NR3C2: variants seen among roughly 807,000 people sequenced by gnomAD.
NR3C2 encodes mineralocorticoid receptor.
NR3C2 carries 15 observed loss-of-function variants against 86.4 expected under a neutral mutation model. The ratio of observed to expected loss-of-function variants is 0.17; its 90% CI spans 0.12 to 0.27. The LOEUF is 0.27. Among genes scored for constraint, NR3C2 ranks in the 10% least tolerant of loss-of-function variants. The pLI, the probability that NR3C2 is intolerant of heterozygous loss-of-function variation, is 1.00. For synonymous variants in NR3C2, 458 were observed against 450.5 expected (o/e 1.02, Z -0.21); for missense variants, 960 against 1,195.6 (o/e 0.80, Z 2.91).
intron 3 of NR3C2, among the ~76,000 whole-genome samples, chr4:148,229,990 G>A (rs142542578): frequency 0.011 from 1,636 of 152,228 alleles, 79 homozygotes; most frequent in Admixed American, 0.089. Context: ...CTGTTCACAA[G>A]TGACCATAGA....
intron 8 of NR3C2, among the ~76,000 whole-genome samples, chr4:148,089,413 A>G (rs1730963316): frequency 6.6e-6 from 1 of 152,222 alleles, no homozygotes; most frequent in African/African-American, 2.4e-5. Context: ...GAGTTGTTTC[A>G]GAGGAATGAA....
At chr4:148,378,010 G>T (rs891559638) in intron 2 of NR3C2, among the ~76,000 whole-genome samples, 1 of 152,090 alleles carries the variant, frequency 6.6e-6, no homozygotes, top group African/African-American at 2.4e-5. Flanking sequence ...GATATACAGG[G>T]AGATAAGTGT....
At chr4:148,143,540 C>T (rs530627491) in intron 6 of NR3C2, among the ~76,000 whole-genome samples, 2 of 152,334 alleles carry the variant, frequency 1.3e-5, no homozygotes, top group South Asian at 2.1e-4. Context: ...GCTTAATACA[C>T]GGAAATTGCT....
intron 3 of NR3C2, chr4:148,201,167 A>G (rs1736701542): frequency 6.6e-6 from 1 of 152,146 alleles, no homozygotes; most frequent in South Asian, 2.1e-4. Context: ...TGAATCACAG[A>G]TCTGATTATG....
intron 2 of NR3C2, among the ~76,000 whole-genome samples, chr4:148,297,884 C>T (rs62332046): frequency 0.28 from 41,587 of 148,524 alleles, 5,802 homozygotes; most frequent in Middle Eastern, 0.44. Flanking sequence ...AGTGAAACTC[C>T]GTCTCAAAAA....
At chr4:148,421,616 T>G (rs1749284114) in intron 2 of NR3C2, among the ~76,000 whole-genome samples, 1 of 152,212 alleles carries the variant, frequency 6.6e-6, no homozygotes, top group African/African-American at 2.4e-5. Flanking sequence ...ATACTGACAA[T>G]GTACTGACTC....
intron 2 of NR3C2, among the ~76,000 whole-genome samples, chr4:148,394,284 T>C (rs1389140341): frequency 6.6e-6 from 1 of 151,818 alleles, no homozygotes. Flanking sequence ...AATAAATAGA[T>C]GTTGCCTGAA....
chr4:148,165,483 CTTTCTGT>C lies in NR3C2; in HGVS notation c.2015-10589_2015-10583del, dbSNP rs1461382306. Among the ~76,000 whole-genome samples the C allele has an allele frequency of 2.0e-5, 3 of 152,176 alleles. No individual in the cohort carries two copies. The South Asian group carries it at 6.2e-4, about 32-fold the overall frequency. On this transcript the variant is annotated intron_variant, in intron 4 of 8. Coordinates refer to ENST00000358102, the MANE Select transcript of NR3C2 (RefSeq NM_000901.5). ...ATTTCTTCCCTCTTAGTTCAACAGT[CTTTCTGT>C]GAAATAAATTACTTATGACTACATC... is the stretch of plus-strand genomic sequence containing the variant.
intron 2 of NR3C2, among the ~76,000 whole-genome samples, chr4:148,369,010 T>A (rs1746283762): frequency 6.6e-6 from 1 of 152,200 alleles, no homozygotes; most frequent in Non-Finnish European, 1.5e-5. Flanking sequence ...TTGCTGCCAT[T>A]AACTACATTC....
intron 2 of NR3C2, among the ~76,000 whole-genome samples, chr4:148,323,584 C>T (rs1031111153): frequency 2.0e-5 from 3 of 151,846 alleles, no homozygotes; most frequent in Non-Finnish European, 4.4e-5. Context: ...TCTCGTGGTG[C>T]GCCGTTTTTT....
At chr4:148,397,183 C>T (rs1032209482) in intron 2 of NR3C2, among the ~76,000 whole-genome samples, 2 of 152,240 alleles carry the variant, frequency 1.3e-5, no homozygotes, top group Non-Finnish European at 2.9e-5. Flanking sequence ...CACCATTTCC[C>T]CGTGACCTGC....
intron 2 of NR3C2, among the ~76,000 whole-genome samples, chr4:148,264,641 AATTCT>A (rs1740287338): frequency 6.6e-6 from 1 of 152,182 alleles, no homozygotes; most frequent in Non-Finnish European, 1.5e-5. Context: ...TCTGGGCCAT[AATTCT>A]CAGCAAAAAG....
At chr4:148,119,442 GA>G (rs1359418645) in intron 7 of NR3C2, among the ~76,000 whole-genome samples, 1 of 151,958 alleles carries the variant, frequency 6.6e-6, no homozygotes, top group African/African-American at 2.4e-5. Context: ...TCCCTTCTTT[GA>G]ACCACCATTA....
chr4:148,435,713 G>A lies in NR3C2; in HGVS notation c.1148C>T (p.Ala383Val), dbSNP rs1750021416. ...PFPKTEEVESAISNGVTGQLN... is the reference protein window; with the variant it reads ...PFPKTEEVESVISNGVTGQLN... ...CTGGCCAGTCACACCATTTGAGATGGCACTCTCTACTTCCTCAGTCTTAGG... is the reference window on the plus strand; with the variant it reads ...CTGGCCAGTCACACCATTTGAGATGACACTCTCTACTTCCTCAGTCTTAGG... Residue 383 changes from alanine (A) to valine (V), a missense_variant, in exon 2 of 9, where the codon GCC (alanine) becomes GTC (valine). Coordinates refer to ENST00000358102, the MANE Select transcript of NR3C2 (RefSeq NM_000901.5). 1 of 1,614,132 alleles carries A rather than the reference G, an allele frequency of 6.2e-7. No individual in the cohort carries two copies. Among genetic ancestry groups the A allele is most frequent in the African/African-American group, 1.3e-5 (1 of 75,030 alleles).
intron 2 of NR3C2, among the ~76,000 whole-genome samples, chr4:148,324,352 TG>T (rs1408998506): frequency 6.1e-5 from 6 of 98,758 alleles, no homozygotes; most frequent in African/African-American, 2.8e-4. Context: ...TGTGTGTGTG[TG>T]TGTGTGTGTG....
chr4:148,324,331 CTGTGTGTG>C (rs374839889), intron 2 of NR3C2, among the ~76,000 whole-genome samples: 18 of 141,806 alleles, frequency 1.3e-4, no homozygotes, highest in African/African-American at 2.9e-4. Context: ...TAATATTCCT[CTGTGTGTG>C]TGTGTGTGTG....
At chr4:148,221,043 G>A (rs1646801972) in intron 3 of NR3C2, among the ~76,000 whole-genome samples, 1 of 152,088 alleles carries the variant, frequency 6.6e-6, no homozygotes, top group African/African-American at 2.4e-5. Context: ...CTGGGGGTGA[G>A]ACCAAATTTC....
intron 6 of NR3C2, among the ~76,000 whole-genome samples, chr4:148,134,937 C>T (rs551559072): frequency 1.3e-5 from 2 of 151,964 alleles, no homozygotes; most frequent in South Asian, 2.1e-4. Flanking sequence ...GGATTACAGG[C>T]GTGAGCCACC....
At chr4:148,137,953 T>C (rs967372938) in intron 6 of NR3C2, among the ~76,000 whole-genome samples, 4 of 152,352 alleles carry the variant, frequency 2.6e-5, no homozygotes, top group African/African-American at 9.6e-5. Flanking sequence ...TTATAATATG[T>C]GATGGCTTTA....
Sources: allele counts gnomAD v4.1 joint callset (sites outside exome capture counted in the v4.1 genomes callset), GRCh38; gene constraint gnomAD v4.1.1; transcripts MANE v1.5; gene names NCBI Gene and HGNC (gene_info 2026-07-23, HGNC 2026-07-21).